The following TIAM1 variants were observed in gnomAD, a reference collection of about 807,000 sequenced individuals.
TIAM1 encodes TIAM Rac1 associated GEF 1, also known as rho guanine nucleotide exchange factor TIAM1.
In TIAM1, 65 loss-of-function variants were observed where a neutral mutation model predicts 163.5. The ratio of observed to expected loss-of-function variants is 0.40; its 90% confidence interval spans 0.33 to 0.49. The LOEUF is 0.49. Among genes scored for constraint, TIAM1 ranks in the 20% least tolerant of loss-of-function variants. The pLI is 0.77. For synonymous variants in TIAM1, 833 were observed against 810.1 expected, an observed-to-expected ratio of 1.03 and a Z score of -0.48; for missense variants, 1,789 against 2,044.7, an observed-to-expected ratio of 0.87 and a Z score of 2.41.
chr21:31,345,511 T>C (rs1468347825), upstream of TIAM1, among the ~76,000 whole-genome samples: 1 of 151,856 alleles, frequency 6.6e-6, no homozygotes, highest in Non-Finnish European at 1.5e-5. Context: ...TTCATATGTA[T>C]ATGAACATGA....
At chr21:31,222,866 T>A (rs7277346) in intron 8 of TIAM1, among the ~76,000 whole-genome samples, 1 of 150,620 alleles carries the variant, frequency 6.6e-6, no homozygotes, top group Non-Finnish European at 1.5e-5. Context: ...TACAGGTGTA[T>A]GTCACCACAC....
chr21:31,322,715 G>A (rs544690824), intron 2 of TIAM1, among the ~76,000 whole-genome samples: 12 of 152,312 alleles, frequency 7.9e-5, no homozygotes, highest in East Asian at 5.8e-4. Flanking sequence ...GGCCCTACCC[G>A]AAACAGCTAA....
chr21:31,153,201 T>A, intron 17 of TIAM1, 67 bp from the exon 18 acceptor site: 2 of 1,288,520 alleles, frequency 1.6e-6, no homozygotes, highest in Admixed American at 2.0e-5. Context: ...GAACTTAAAG[T>A]ATAAAGCATA....
intron 2 of TIAM1, among the ~76,000 whole-genome samples, chr21:31,426,515 C>A (rs1332897508): frequency 6.6e-6 from 1 of 152,076 alleles, no homozygotes; most frequent in Non-Finnish European, 1.5e-5. Context: ...GGAAAGAAAC[C>A]AACTGTGGTC....
Position 31,337,518 on chromosome 21 carries a change from G to GTTATTATTATTATTATTATTATTA in TIAM1, c.-189+1701_-189+1724dup, listed in dbSNP as rs55760697. 1.3e-3 allele frequency among the ~76,000 whole-genome samples: 197 copies of GTTATTATTATTATTATTATTATTA among 147,272 alleles called. 1 individual carries two copies. The highest frequency in any genetic ancestry group is 3.6e-3 in the Middle Eastern group (1 of 276). ...TGTTGTTTTTATTATTATTATTGTT[G>GTTATTATTATTATTATTATTATTA]TTATTATTATTATTATTATTATTAT... On this transcript the variant is annotated intron_variant, in intron 2 of 27. Transcript: ENST00000541036.
intron 2 of TIAM1, among the ~76,000 whole-genome samples, chr21:31,298,767 TGA>T (rs1555923381): frequency 2.4e-5 from 3 of 125,954 alleles, no homozygotes; most frequent in African/African-American, 1.1e-4. Context: ...TGTGTGTGTG[TGA>T]GAAACAGAGA....
At chr21:31,216,971 G>T (rs1339629915) in intron 9 of TIAM1, among the ~76,000 whole-genome samples, 1 of 152,176 alleles carries the variant, frequency 6.6e-6, no homozygotes, top group Non-Finnish European at 1.5e-5. Context: ...ACTTGGGGAG[G>T]CTGAGGCGGG....
rs114481615 is a variant in TIAM1, at chr21:31,226,517, C to T, written c.1585-567G>A. ...TATGGAACCCTCTAAGAATTGCAGC[C>T]GCCCAACAACACTCCATGTGCTAAA... On this transcript the variant is annotated intron_variant, in intron 6 of 27. Coordinates refer to ENST00000541036, the MANE Select transcript of TIAM1 (RefSeq NM_001353694.2). 6.8e-3 allele frequency among the ~76,000 whole-genome samples: 1,037 copies of T among 152,176 alleles called. 5 individuals carry two copies. Among genetic ancestry groups the T allele is most frequent in the African/African-American group, 0.024 (985 of 41,490 alleles).
At position 31,550,393 on chromosome 21, in the gene TIAM1, A is replaced by G. The variant is rs751160578; in HGVS notation, c.-422+8534T>C. Among the ~76,000 whole-genome samples the G allele has an allele frequency of 1.6e-4, 25 of 152,208 alleles. 1 individual carries two copies. Among genetic ancestry groups the G allele is most frequent in the Non-Finnish European group, 1.2e-4 (8 of 68,044 alleles). ...AAAGAAGCCGGTCACAAAAGACCACATATTATAGGATTCTATTTCTCGGTA... is the reference window on the plus strand; with the variant it reads ...AAAGAAGCCGGTCACAAAAGACCACGTATTATAGGATTCTATTTCTCGGTA... On this transcript the variant is annotated intron_variant, in intron 1 of 28. Coordinates refer to the TIAM1 transcript ENST00000286827.
intron 1 of TIAM1, among the ~76,000 whole-genome samples, chr21:31,510,736 C>A (rs1448670141): frequency 6.6e-6 from 1 of 151,892 alleles, no homozygotes; most frequent in East Asian, 1.9e-4. Context: ...ATTGCTTGAA[C>A]CCAGGAGGCG....
chr21:31,195,789 T>C (rs2085821383), intron 12 of TIAM1, among the ~76,000 whole-genome samples: 1 of 152,218 alleles, frequency 6.6e-6, no homozygotes, highest in Admixed American at 6.5e-5. Context: ...ATTCTTTTTT[T>C]TAGCCACTGA....
intron 2 of TIAM1, among the ~76,000 whole-genome samples, chr21:31,396,254 T>C (rs2077066440): frequency 6.6e-6 from 1 of 152,226 alleles, no homozygotes; most frequent in Non-Finnish European, 1.5e-5. Flanking sequence ...TGCAGGTGAC[T>C]TGGGCTGTGA....
At chr21:31,342,142 A>G (rs1602047923) in intron 1 of TIAM1, among the ~76,000 whole-genome samples, 1 of 152,132 alleles carries the variant, frequency 6.6e-6, no homozygotes, top group East Asian at 1.9e-4. Context: ...TATCTATTAA[A>G]CAAATTTACA....
chr21:31,373,041 G>A (rs1160549331), intron 2 of TIAM1, among the ~76,000 whole-genome samples: 1 of 123,190 alleles, frequency 8.1e-6, no homozygotes, highest in East Asian at 2.3e-4. Flanking sequence ...GGCAACAAGA[G>A]CAAAACTCTG....
chr21:31,360,098 G>A (rs2076383975), intron 2 of TIAM1, among the ~76,000 whole-genome samples: 1 of 152,050 alleles, frequency 6.6e-6, no homozygotes, highest in South Asian at 2.1e-4. Context: ...ACAAGAAGGA[G>A]ACTGATGAGC....
intron 1 of TIAM1, among the ~76,000 whole-genome samples, chr21:31,498,246 G>A (rs2147439664): frequency 6.6e-6 from 1 of 152,326 alleles, no homozygotes; most frequent in Middle Eastern, 3.4e-3. Flanking sequence ...GATTATTCCA[G>A]CAGCAAGCAA....
chr21:31,538,470 A>G (rs1351516375), intron 1 of TIAM1, among the ~76,000 whole-genome samples: 1 of 152,212 alleles, frequency 6.6e-6, no homozygotes, highest in Admixed American at 6.5e-5. Context: ...GTATCTCTAT[A>G]TAAATTAAAA....
intron 1 of TIAM1, among the ~76,000 whole-genome samples, chr21:31,509,768 T>C (rs1409755492): frequency 6.6e-6 from 1 of 152,114 alleles, no homozygotes; most frequent in African/African-American, 2.4e-5. Context: ...CGGGGCTGCA[T>C]GTTTCTCTCT....
chr21:31,203,348 C>T (rs1484930703), intron 11 of TIAM1, among the ~76,000 whole-genome samples: 1 of 152,178 alleles, frequency 6.6e-6, no homozygotes, highest in Non-Finnish European at 1.5e-5. Context: ...GTCTCGAACT[C>T]CTGACCTCAG....
Sources: gnomAD v4.1 joint callset for allele counts (sites outside exome capture counted in the v4.1 genomes callset) on GRCh38, gnomAD v4.1.1 for gene constraint, MANE v1.5 for transcripts, NCBI Gene and HGNC (gene_info 2026-07-23, HGNC 2026-07-21) for gene names.